The following CDH2 variants were observed in gnomAD, a reference collection of about 807,000 sequenced individuals.
CDH2 encodes cadherin 2.
Under a neutral mutation model 92.0 loss-of-function variants are expected in CDH2, and 17 were observed. The observed-to-expected ratio is 0.18, with a 90% CI of 0.13 to 0.28. The LOEUF is 0.28. Ranked by LOEUF, CDH2 falls within the 10% of genes least tolerant of loss-of-function variation. The pLI, the probability that CDH2 is intolerant of heterozygous loss-of-function variation, is 1.00. For missense variants in CDH2, 862 were observed against 1,133.1 expected (o/e 0.76, Z 3.44); for synonymous variants, 419 against 415.9 (o/e 1.01, Z -0.09).
intron 13 of CDH2, 32 bp from the exon 14 acceptor site, chr18:27,983,115 T>C (rs2012113163): frequency 1.9e-6 from 3 of 1,572,072 alleles, no homozygotes; most frequent in South Asian, 2.3e-5. Context: ...ATACATAATA[T>C]TGTCATTTTT....
chr18:28,036,621 A>G (rs2013837046), intron 2 of CDH2: 1 of 1,055,282 alleles, frequency 9.5e-7, no homozygotes, highest in African/African-American at 1.6e-5. Flanking sequence ...TCAGAATGAA[A>G]GCAGGGATAA....
At chr18:28,111,019 C>T (rs530614546) in intron 2 of CDH2, among the ~76,000 whole-genome samples, 1 of 152,276 alleles carries the variant, frequency 6.6e-6, no homozygotes, top group South Asian at 2.1e-4. Flanking sequence ...ATCCAGCCAT[C>T]GGTCTGTGCA....
chr18:28,103,288 A>AT (rs1048184852), intron 2 of CDH2, among the ~76,000 whole-genome samples: 4 of 145,728 alleles, frequency 2.7e-5, no homozygotes, highest in African/African-American at 9.9e-5. Context: ...AAGTATATAT[A>AT]TAAAAACTCC....
chr18:28,129,271 T>C (rs2015728078), intron 2 of CDH2, among the ~76,000 whole-genome samples: 1 of 152,242 alleles, frequency 6.6e-6, no homozygotes, highest in African/African-American at 2.4e-5. Flanking sequence ...ATCATTCTGG[T>C]ATTTTTAAAT....
At chr18:28,039,273 GAT>G (rs2013901045) in intron 2 of CDH2, among the ~76,000 whole-genome samples, 1 of 152,066 alleles carries the variant, frequency 6.6e-6, no homozygotes, top group South Asian at 2.1e-4. Flanking sequence ...GAAGGGCAAG[GAT>G]ACATGACTCA....
chr18:28,079,934 A>G (rs2014795905), intron 2 of CDH2, among the ~76,000 whole-genome samples: 1 of 152,234 alleles, frequency 6.6e-6, no homozygotes, highest in Non-Finnish European at 1.5e-5. Flanking sequence ...TAGCAAGTGG[A>G]AACATGAGGC....
At chr18:28,136,423 A>G (rs144965097) in intron 2 of CDH2, among the ~76,000 whole-genome samples, 43 of 151,742 alleles carry the variant, frequency 2.8e-4, no homozygotes, top group African/African-American at 1.0e-3. Context: ...AAAGTGAAGA[A>G]TCTTCGTCGC....
In CDH2 at chr18:27,979,764, C is replaced by A. The variant is rs532989457; in HGVS notation, c.2349+3180G>T. Among the ~76,000 whole-genome samples the A allele has an allele frequency of 7.9e-5, 12 of 152,182 alleles. No individual in the cohort carries two copies. In the South Asian group the frequency reaches 2.1e-3, roughly 26 times the overall value. ...AAAGTCAAAAACAGGGGGTGCTAAT[C>A]TATGGTGACAGAAATAAAAAAGAGT... On this transcript the variant is annotated intron_variant, in intron 14 of 15. Transcript: ENST00000269141.
At chr18:27,944,754 TA>T (rs869217652) in intron 6 of CDH2, among the ~76,000 whole-genome samples, 104 of 83,564 alleles carry the variant, frequency 1.2e-3, no homozygotes, top group East Asian at 2.9e-3. Context: ...ACTTCCTTTC[TA>T]AAAAAAAAAA....
At chr18:28,022,851 T>C (rs112185969) in intron 2 of CDH2, among the ~76,000 whole-genome samples, 321 of 152,296 alleles carry the variant, frequency 2.1e-3, no homozygotes, top group Non-Finnish European at 3.4e-3. Context: ...TTTTGCTTTA[T>C]ATCTATAAAC....
At chr18:28,175,748 C>G (rs944245022) in intron 1 of CDH2, among the ~76,000 whole-genome samples, 1 of 152,220 alleles carries the variant, frequency 6.6e-6, no homozygotes, top group Non-Finnish European at 1.5e-5. Flanking sequence ...CTTTTCGGGG[C>G]TGCCAGCTGG....
rs1174227904 is a variant in CDH2 at position 28,147,779 on chromosome 18, A to G, written c.66T>C (p.Ser22=). The part of the protein sequence containing the change: ...LPLLAALLQA[S]VEASGEIALC... ...ATGCGATTTCACCAGAAGCCTCTAC[A>G]GACGCCTGCAACACAAGAAAAAAAA... is the stretch of plus-strand genomic sequence containing the variant. Residue 22 remains serine, a synonymous_variant, in exon 2 of 16, where the codon TCT becomes TCC. Coordinates refer to ENST00000269141, the MANE Select transcript of CDH2 (RefSeq NM_001792.5). 2.5e-6 allele frequency: 4 copies of G among 1,586,488 alleles called. No individual in the cohort carries two copies. Among genetic ancestry groups the G allele is most frequent in the Non-Finnish European group, 3.4e-6 (4 of 1,163,100 alleles).
chr18:28,022,001 A>T (rs2013422712), intron 2 of CDH2, among the ~76,000 whole-genome samples: 1 of 151,988 alleles, frequency 6.6e-6, no homozygotes, highest in African/African-American at 2.4e-5. Context: ...GATTTCAATT[A>T]ATGAAGGCAT....
chr18:28,021,015 A>G (rs1474090545), intron 2 of CDH2, among the ~76,000 whole-genome samples: 1 of 151,930 alleles, frequency 6.6e-6, no homozygotes, highest in African/African-American at 2.4e-5. Context: ...TAAACATGCT[A>G]ATTATCAGAT....
rs1365113877 is a variant in CDH2, at chr18:27,983,438, T to TCA, written c.2210-356_2210-355insTG. Among the ~76,000 whole-genome samples the TCA allele has an allele frequency of 7.2e-5, 11 of 152,314 alleles. No individual in the cohort carries two copies. In the South Asian group the frequency reaches 2.3e-3, roughly 32 times the overall value. ...TTGCCCTTCATAGGGCCTTGTAAAT[T>TCA]CTAGAGACACAAAACAGCAGTAAGG... On this transcript the variant is annotated intron_variant, in intron 13 of 15. Transcript: ENST00000269141.
chr18:28,080,813 A>C (rs2014814758), intron 2 of CDH2, among the ~76,000 whole-genome samples: 1 of 152,186 alleles, frequency 6.6e-6, no homozygotes, highest in Admixed American at 6.6e-5. Flanking sequence ...TTGTAATACA[A>C]AGAAAAATAT....
intron 1 of CDH2, among the ~76,000 whole-genome samples, chr18:28,161,609 T>C (rs1006162807): frequency 2.8e-5 from 4 of 141,446 alleles, no homozygotes; most frequent in Admixed American, 7.2e-5. Context: ...AAAGCAAAGC[T>C]ATAGATCTTC....
chr18:27,948,879 A>G (rs909148779), downstream of CDH2, among the ~76,000 whole-genome samples: 2 of 151,996 alleles, frequency 1.3e-5, no homozygotes, highest in Non-Finnish European at 2.9e-5. Context: ...ACTAAAATTT[A>G]AACTACACAT....
chr18:28,009,902 T>C, intron 4 of CDH2, 30 bp from the exon 5 acceptor site: 1 of 1,577,788 alleles, frequency 6.3e-7, no homozygotes, highest in Non-Finnish European at 8.6e-7. Flanking sequence ...TGACATTAAG[T>C]GAGAGACTAA....
Sources: allele counts gnomAD v4.1 joint callset (sites outside exome capture counted in the v4.1 genomes callset), GRCh38; gene constraint gnomAD v4.1.1; transcripts MANE v1.5; gene names NCBI Gene and HGNC (gene_info 2026-07-23, HGNC 2026-07-21).